Variants in ATP9B observed in about 807,000 individuals in gnomAD.
The protein encoded by ATP9B is probable phospholipid-transporting ATPase IIB.
Under a neutral mutation model 146.1 loss-of-function variants are expected in ATP9B, and 110 were observed. The observed-to-expected ratio is 0.75, with a 90% CI of 0.65 to 0.88. The LOEUF (loss-of-function observed/expected upper bound fraction) is 0.88. Ranked by LOEUF, ATP9B falls within the 40% of genes least tolerant of loss-of-function variation. ATP9B has a pLI of 0.00. For synonymous variants in ATP9B, 604 were observed against 569.7 expected (o/e 1.06, Z -0.86); for missense variants, 1,499 against 1,496.4 (o/e 1.00, Z -0.03).
chr18:79,348,779 C>T (rs1323495062), intron 25 of ATP9B, among the ~76,000 whole-genome samples: 1 of 152,166 alleles, frequency 6.6e-6, no homozygotes, highest in African/African-American at 2.4e-5. Context: ...GTCAGGAGTT[C>T]GAGACCAGCC....
At chr18:79,138,808 T>G (rs1013328858) in intron 5 of ATP9B, among the ~76,000 whole-genome samples, 6 of 141,266 alleles carry the variant, frequency 4.2e-5, no homozygotes, top group Non-Finnish European at 7.7e-5. Context: ...TGGCCGGGTG[T>G]GGTGGCTCCT....
intron 15 of ATP9B, among the ~76,000 whole-genome samples, chr18:79,327,762 C>A (rs2096763847): frequency 7.2e-6 from 1 of 138,288 alleles, no homozygotes; most frequent in Admixed American, 7.2e-5. Flanking sequence ...TTAGCGTGCT[C>A]TCTGTGGTTA....
chr18:79,167,344 C>CT (rs2094985085), intron 7 of ATP9B, among the ~76,000 whole-genome samples: 1 of 152,180 alleles, frequency 6.6e-6, no homozygotes, highest in African/African-American at 2.4e-5. Context: ...GACAGTACAG[C>CT]TCTCAGGAGA....
intron 2 of ATP9B, among the ~76,000 whole-genome samples, chr18:79,104,293 G>A (rs2075505420): frequency 6.6e-6 from 1 of 152,136 alleles, no homozygotes; most frequent in South Asian, 2.1e-4. Context: ...ACTGGGTATT[G>A]GGGGAGACTG....
At chr18:79,189,533 C>G (rs547041738) in intron 8 of ATP9B, among the ~76,000 whole-genome samples, 1 of 152,056 alleles carries the variant, frequency 6.6e-6, no homozygotes, top group South Asian at 2.1e-4. Flanking sequence ...GAAACCTTGC[C>G]GATAACCTAA....
chr18:79,090,652 C>T (rs896468099), intron 1 of ATP9B, among the ~76,000 whole-genome samples: 4 of 152,096 alleles, frequency 2.6e-5, no homozygotes, highest in African/African-American at 9.7e-5. Flanking sequence ...TGTTTGAGCT[C>T]CTTATAAATT....
chr18:79,307,512 G>T (rs1276855861), intron 15 of ATP9B: 4 of 399,674 alleles, frequency 1.0e-5, no homozygotes, highest in African/African-American at 2.0e-5. Flanking sequence ...TACCAGCGAG[G>T]TTTACTGATT....
At chr18:79,170,761 G>A (rs1000282467) in intron 7 of ATP9B, among the ~76,000 whole-genome samples, 3 of 152,186 alleles carry the variant, frequency 2.0e-5, no homozygotes, top group African/African-American at 4.8e-5. Flanking sequence ...AGATTAGTTC[G>A]TCTGCTGAGC....
chr18:79,277,118 A>G lies in ATP9B; in HGVS notation c.1333A>G (p.Ile445Val), dbSNP rs1232457924. The G allele has an allele frequency of 3.7e-6, 6 of 1,613,998 alleles. No homozygotes were observed. The highest frequency in any genetic ancestry group is 4.2e-6 in the Non-Finnish European group (5 of 1,180,000). ...YGWMMMKDEN[I>V]PGTVVRTSTI... The stretch of plus-strand genomic sequence containing the variant: ...ATGGATGATGATGAAAGATGAGAAC[A>G]TCCCTGGCACGGTCGTTCGGACCAG... Residue 445 changes from isoleucine (I) to valine (V), a missense_variant, in exon 13 of 30, where the codon ATC (isoleucine) becomes GTC (valine). By Grantham distance (29) the Ile-to-Val change is conservative. Transcript: ENST00000426216.
intron 20 of ATP9B, 128 bp downstream of exon 20, chr18:79,342,494 T>G (rs900943940): frequency 4.0e-5 from 24 of 601,558 alleles, no homozygotes; most frequent in African/African-American, 5.6e-5. Flanking sequence ...ACTGTAATTT[T>G]TTTAATTTAT....
intron 11 of ATP9B, 49 bp downstream of exon 11, chr18:79,214,087 C>T: frequency 2.1e-6 from 3 of 1,403,372 alleles, no homozygotes; most frequent in Non-Finnish European, 2.9e-6. Flanking sequence ...TTTTTCCTTT[C>T]AGTAAGAAAG....
intron 2 of ATP9B, among the ~76,000 whole-genome samples, chr18:79,103,691 G>A (rs117590245): frequency 0.035 from 5,401 of 152,162 alleles, 135 homozygotes; most frequent in South Asian, 0.048. Context: ...ATTTGGTCAC[G>A]CTTTGGTAGA....
intron 1 of ATP9B, among the ~76,000 whole-genome samples, chr18:79,082,336 A>G (rs1205791502): frequency 6.6e-6 from 1 of 152,142 alleles, no homozygotes; most frequent in African/African-American, 2.4e-5. Context: ...GCTTCCTTGC[A>G]TTGGGTTAGA....
At chr18:79,188,453 T>C (rs1011449533) in intron 8 of ATP9B, among the ~76,000 whole-genome samples, 4 of 152,232 alleles carry the variant, frequency 2.6e-5, no homozygotes, top group Admixed American at 2.0e-4. Context: ...TTCCTCTTAC[T>C]GATGACAGTG....
At chr18:79,249,906 A>G (rs2096006421) in intron 11 of ATP9B, among the ~76,000 whole-genome samples, 2 of 152,264 alleles carry the variant, frequency 1.3e-5, no homozygotes, top group South Asian at 4.1e-4. Flanking sequence ...GTTACAAGTT[A>G]TATTCCAGGA....
Position 79,339,915 on chromosome 18 carries a change from T to A in ATP9B, c.2284-2353T>A, listed in dbSNP as rs191491832. ...AAGAGAACAATTCTGACTCAGAAAG[T>A]TTAGATTACTAAACTTAATTGTATT... On this transcript the variant is annotated intron_variant, in intron 19 of 29. Coordinates refer to ENST00000426216, the MANE Select transcript of ATP9B (RefSeq NM_198531.5). Among the ~76,000 whole-genome samples the A allele has an allele frequency of 2.9e-4, 44 of 152,286 alleles. 1 individual carries two copies. The South Asian group carries it at 7.1e-3, about 24-fold the overall frequency.
intron 1 of ATP9B, among the ~76,000 whole-genome samples, chr18:79,071,116 T>A (rs2071712097): frequency 2.0e-5 from 3 of 149,758 alleles, no homozygotes; most frequent in African/African-American, 7.5e-5. Flanking sequence ...TATAGTGTGT[T>A]TGAGATTAGG....
intron 8 of ATP9B, among the ~76,000 whole-genome samples, chr18:79,179,326 A>G (rs2095221455): frequency 1.3e-5 from 2 of 151,922 alleles, no homozygotes; most frequent in Admixed American, 6.5e-5. Flanking sequence ...CATAGTTTAT[A>G]ATTTTTTTTG....
intron 10 of ATP9B, among the ~76,000 whole-genome samples, chr18:79,212,649 G>A (rs2095594978): frequency 6.6e-6 from 1 of 152,298 alleles, no homozygotes; most frequent in South Asian, 2.1e-4. Flanking sequence ...TAGCTTCACT[G>A]ATGTGAAGTA....
Sources: allele counts gnomAD v4.1 joint callset (sites outside exome capture counted in the v4.1 genomes callset), GRCh38; gene constraint gnomAD v4.1.1; transcripts MANE v1.5; gene names NCBI Gene and HGNC (gene_info 2026-07-23, HGNC 2026-07-21).